CADM2: variants seen among roughly 807,000 people sequenced by gnomAD.
CADM2 encodes cell adhesion molecule 2.
Under a neutral mutation model 49.8 loss-of-function variants are expected in CADM2, and 12 were observed. That is an observed-to-expected ratio of 0.24 (90% CI 0.15 to 0.39). The LOEUF (loss-of-function observed/expected upper bound fraction) is 0.39, where lower values mean the gene tolerates loss of function less well. CADM2 is among the 10% of genes least tolerant of loss of function. CADM2 has a pLI of 1.00. For missense variants in CADM2, 378 were observed against 492.3 expected (o/e 0.77, Z 2.20); for synonymous variants, 214 against 175.4 (o/e 1.22, Z -1.74).
intron 1 of CADM2, among the ~76,000 whole-genome samples, chr3:85,152,723 T>C (rs2107649075): frequency 6.6e-6 from 1 of 152,206 alleles, no homozygotes; most frequent in Admixed American, 6.5e-5. Context: ...TTTGGGAGTC[T>C]GAGGCGGGTG....
intron 1 of CADM2, among the ~76,000 whole-genome samples, chr3:85,628,019 T>C (rs1282957136): frequency 2.0e-5 from 3 of 151,984 alleles, no homozygotes. Context: ...GCTGGAGTTG[T>C]TTGAGTGTTG....
chr3:86,062,938 C>G (rs1231823717), intron 8 of CADM2, among the ~76,000 whole-genome samples: 1 of 151,900 alleles, frequency 6.6e-6, no homozygotes, highest in Non-Finnish European at 1.5e-5. Context: ...ATCGGCTGAG[C>G]CTTCATTTAG....
chr3:85,812,012 G>A (rs890333297), intron 3 of CADM2, among the ~76,000 whole-genome samples: 2 of 152,080 alleles, frequency 1.3e-5, no homozygotes, highest in African/African-American at 4.8e-5. Context: ...CAGTTCAACT[G>A]TATGGATATC....
At chr3:85,985,874 T>A (rs1472928104) in intron 8 of CADM2, among the ~76,000 whole-genome samples, 1 of 152,092 alleles carries the variant, frequency 6.6e-6, no homozygotes, top group Non-Finnish European at 1.5e-5. Context: ...AAGGTTGGGA[T>A]GAATTGTCAA....
chr3:85,914,370 A>G (rs991728743), intron 6 of CADM2, among the ~76,000 whole-genome samples: 1 of 152,132 alleles, frequency 6.6e-6, no homozygotes, highest in African/African-American at 2.4e-5. Context: ...ACTTAAGTCA[A>G]GTTCATGGCA....
chr3:85,487,737 T>TGC (rs1400945815), intron 1 of CADM2, among the ~76,000 whole-genome samples: 3 of 150,642 alleles, frequency 2.0e-5, no homozygotes, highest in African/African-American at 7.4e-5. Context: ...TGTGTGTGTG[T>TGC]GCGTGTGTGC....
intron 1 of CADM2, among the ~76,000 whole-genome samples, chr3:85,266,609 C>T (rs756579561): frequency 1.0e-4 from 13 of 127,834 alleles, no homozygotes; most frequent in African/African-American, 1.3e-4. Flanking sequence ...AGAGTCAAGA[C>T]GGTAAGGTTT....
intron 1 of CADM2, among the ~76,000 whole-genome samples, chr3:84,985,394 A>T (rs959915906): frequency 2.0e-5 from 3 of 152,276 alleles, no homozygotes; most frequent in South Asian, 4.1e-4. Flanking sequence ...TTTAACAAAT[A>T]TAACTTTTAG....
intron 8 of CADM2, among the ~76,000 whole-genome samples, chr3:86,046,883 C>T (rs978282601): frequency 6.7e-6 from 1 of 148,692 alleles, no homozygotes; most frequent in Non-Finnish European, 1.5e-5. Context: ...GACAAAACAT[C>T]TGTTAAATTT....
At chr3:85,541,774 T>TA (rs1559897728) in intron 1 of CADM2, among the ~76,000 whole-genome samples, 2,947 of 11,132 alleles carry the variant, frequency 0.26, 186 homozygotes, top group East Asian at 0.43. Flanking sequence ...TATTTTATAT[T>TA]TTATATATAT....
At chr3:86,041,075 A>C (rs182684912) in intron 8 of CADM2, among the ~76,000 whole-genome samples, 4,703 of 152,272 alleles carry the variant, frequency 0.031, 135 homozygotes, top group African/African-American at 0.073. Context: ...AGAGCTCCTG[A>C]AGGAAACACT....
intron 2 of CADM2, among the ~76,000 whole-genome samples, chr3:85,733,672 T>G (rs1279542430): frequency 6.6e-6 from 1 of 152,196 alleles, no homozygotes; most frequent in East Asian, 1.9e-4. Flanking sequence ...TCATTTGCCA[T>G]GAAAACAAGG....
At chr3:85,418,526 G>C (rs1215746028) in intron 1 of CADM2, among the ~76,000 whole-genome samples, 1 of 151,990 alleles carries the variant, frequency 6.6e-6, no homozygotes, top group Admixed American at 6.6e-5. Context: ...GTCTATTATA[G>C]TTCAAGGTTT....
Position 85,976,192 on chromosome 3 carries a change from T to A in CADM2, c.970+14545T>A, listed in dbSNP as rs916303831. Among the ~76,000 whole-genome samples the A allele has an allele frequency of 4.6e-5, 7 of 151,716 alleles. 2 individuals carry two copies. The highest frequency in any genetic ancestry group is 4.6e-4 in the Admixed American group (7 of 15,174). On this transcript the variant is annotated intron_variant, in intron 8 of 9. Transcript: ENST00000383699. ...CGGTATCATTTTACAAGGGATAAAA[T>A]GGGCTGCAGTTTCCACCCTGTACCA...
At chr3:85,805,404 A>G (rs781716239) in intron 3 of CADM2, 40 of 152,190 alleles carry the variant, frequency 2.6e-4, no homozygotes, top group Non-Finnish European at 5.1e-4. Flanking sequence ...CAGTTGCAGT[A>G]AAACAACAGA....
chr3:85,601,156 A>G (rs879944900), intron 1 of CADM2, among the ~76,000 whole-genome samples: 25,630 of 119,122 alleles, frequency 0.22, 3,551 homozygotes, highest in East Asian at 0.33. Context: ...ATATATATAT[A>G]TATATATATA....
intron 1 of CADM2, among the ~76,000 whole-genome samples, chr3:85,045,649 CTT>C: frequency 6.6e-6 from 1 of 151,184 alleles, no homozygotes; most frequent in Non-Finnish European, 1.5e-5. Flanking sequence ...AATGTGTAGC[CTT>C]TTTTTTTGCT....
intron 1 of CADM2, among the ~76,000 whole-genome samples, chr3:85,141,681 G>A (rs1253924627): frequency 2.0e-5 from 3 of 152,094 alleles, no homozygotes; most frequent in Non-Finnish European, 4.4e-5. Context: ...AATATAGATA[G>A]GATATATGTT....
chr3:85,289,954 G>T (rs1312274688), intron 1 of CADM2, among the ~76,000 whole-genome samples: 1 of 152,164 alleles, frequency 6.6e-6, no homozygotes, highest in African/African-American at 2.4e-5. Context: ...TGGCTGAATA[G>T]GAACAGCTCC....
Sources: gnomAD v4.1 joint callset for allele counts (sites outside exome capture counted in the v4.1 genomes callset) on GRCh38, gnomAD v4.1.1 for gene constraint, MANE v1.5 for transcripts, NCBI Gene and HGNC (gene_info 2026-07-23, HGNC 2026-07-21) for gene names.